SH2D4B: variants seen among roughly 807,000 people sequenced by gnomAD.
SH2D4B encodes SH2 domain-containing protein 4B.
In SH2D4B, 45 loss-of-function variants were observed where a neutral mutation model predicts 61.5. The observed-to-expected ratio is 0.73, with a 90% CI of 0.58 to 0.94. The LOEUF (loss-of-function observed/expected upper bound fraction) is 0.94, where lower values mean the gene tolerates loss of function less well. Ranked by LOEUF, SH2D4B falls within the 40% of genes least tolerant of loss-of-function variation. SH2D4B has a pLI of 0.00. For synonymous variants in SH2D4B, 224 were observed against 220.4 expected (o/e 1.02, Z -0.14); for missense variants, 572 against 574.2 (o/e 1.00, Z 0.04).
At chr10:80,571,815 C>G (rs1842050051) in intron 3 of SH2D4B, among the ~76,000 whole-genome samples, 1 of 150,160 alleles carries the variant, frequency 6.7e-6, no homozygotes, top group Non-Finnish European at 1.5e-5. Flanking sequence ...GCTCGTCGCC[C>G]AGGCTGGAGT....
Position 80,588,876 on chromosome 10 carries a change from C to T in SH2D4B, c.643+99C>T, listed in dbSNP as rs938965800. 5.6e-6 allele frequency: 8 copies of T among 1,433,276 alleles called. No homozygotes were observed. In the African/African-American group the frequency reaches 1.1e-4, roughly 20 times the overall value. 88.8% of individuals were successfully genotyped at this position (1,433,276 alleles called of 1,614,324 possible). Reference sequence around the variant, plus strand: ...CTCATTCGTCATTTCCATTCGCTCACTCACCCCATCAGCCTTTACTTGGAC... The same window carrying T: ...CTCATTCGTCATTTCCATTCGCTCATTCACCCCATCAGCCTTTACTTGGAC... On this transcript the variant is annotated intron_variant, in intron 4 of 7. Coordinates refer to ENST00000646907, the MANE Select transcript of SH2D4B (RefSeq NM_001388272.1).
chr10:80,580,767 G>A (rs1842177722), intron 3 of SH2D4B, among the ~76,000 whole-genome samples: 1 of 152,130 alleles, frequency 6.6e-6, no homozygotes, highest in South Asian at 2.1e-4. Flanking sequence ...GGCCTCTGTG[G>A]GTTCCTGTGG....
chr10:80,546,814 A>G (rs1280847440), intron 1 of SH2D4B, among the ~76,000 whole-genome samples: 1 of 152,234 alleles, frequency 6.6e-6, no homozygotes, highest in Non-Finnish European at 1.5e-5. Flanking sequence ...GGCGTGAGCC[A>G]CCGCGCCCAG....
intron 7 of SH2D4B, among the ~76,000 whole-genome samples, chr10:80,636,833 T>C (rs1256044219): frequency 2.0e-5 from 3 of 152,228 alleles, no homozygotes; most frequent in Non-Finnish European, 4.4e-5. Flanking sequence ...TTGCCATTGC[T>C]TTTGTTGTTT....
At chr10:80,582,967 G>A (rs142354393) in intron 3 of SH2D4B, among the ~76,000 whole-genome samples, 1 of 152,260 alleles carries the variant, frequency 6.6e-6, no homozygotes, top group East Asian at 1.9e-4. Context: ...TTCCTCCTAC[G>A]ATTGCCCTAG....
intron 1 of SH2D4B, among the ~76,000 whole-genome samples, chr10:80,558,138 GA>G (rs1379133972): frequency 6.6e-6 from 1 of 151,908 alleles, no homozygotes; most frequent in African/African-American, 2.4e-5. Flanking sequence ...ATATTTGAAA[GA>G]AATTTTTTCA....
chr10:80,628,245 TC>T (rs1051201037), intron 6 of SH2D4B, among the ~76,000 whole-genome samples: 1 of 151,962 alleles, frequency 6.6e-6, no homozygotes, highest in African/African-American at 2.4e-5. Context: ...TCCCACGTGT[TC>T]GGGAGGGACC....
At chr10:80,615,968 A>T (rs57732942) in intron 6 of SH2D4B, among the ~76,000 whole-genome samples, 4 of 152,236 alleles carry the variant, frequency 2.6e-5, no homozygotes, top group African/African-American at 9.6e-5. Context: ...ATAGACAAAC[A>T]TGGTGGCACA....
At chr10:80,583,684 C>T (rs559607984) in intron 3 of SH2D4B, among the ~76,000 whole-genome samples, 1 of 152,034 alleles carries the variant, frequency 6.6e-6, no homozygotes, top group Non-Finnish European at 1.5e-5. Flanking sequence ...ATAAAAAAGA[C>T]AGATGGAGAG....
intron 4 of SH2D4B, among the ~76,000 whole-genome samples, chr10:80,590,481 T>G (rs76793751): frequency 0.01 from 1,573 of 152,034 alleles, 32 homozygotes; most frequent in African/African-American, 0.033. Context: ...ATACAGAAAA[T>G]GAAAAGGCAT....
intron 6 of SH2D4B, among the ~76,000 whole-genome samples, chr10:80,633,093 G>C (rs1842850440): frequency 6.6e-6 from 1 of 151,904 alleles, no homozygotes; most frequent in African/African-American, 2.4e-5. Flanking sequence ...TGGGAGGCAG[G>C]AGAGTGATGG....
chr10:80,597,206 T>A (rs969414418), intron 4 of SH2D4B, among the ~76,000 whole-genome samples: 5 of 152,236 alleles, frequency 3.3e-5, no homozygotes, highest in Middle Eastern at 6.8e-3. Context: ...CTTGAACCAA[T>A]CCCCTGAGGA....
In SH2D4B at chr10:80,635,236, G is replaced by T. The variant is rs77868607; in HGVS notation, c.1209+731G>T. Among the ~76,000 whole-genome samples, 1,411 of 152,316 alleles carry T rather than the reference G, an allele frequency of 9.3e-3. 15 individuals are homozygous for T. The highest frequency in any genetic ancestry group is 0.017 in the Middle Eastern group (5 of 294). ...GAAAAGATGTTGTCTTCCAAGCAGT[G>T]TATGTAGTAAGAAGCAACGTTTATG... On this transcript the variant is annotated intron_variant, in intron 7 of 7. Coordinates refer to ENST00000646907, the MANE Select transcript of SH2D4B (RefSeq NM_001388272.1).
At chr10:80,559,120 A>G (rs991412079) in intron 1 of SH2D4B, among the ~76,000 whole-genome samples, 9 of 151,986 alleles carry the variant, frequency 5.9e-5, no homozygotes, top group African/African-American at 2.2e-4. Context: ...ACATTTTCCA[A>G]AAAACAAATG....
At chr10:80,607,143 A>G (rs899550304) in intron 5 of SH2D4B, among the ~76,000 whole-genome samples, 1 of 152,202 alleles carries the variant, frequency 6.6e-6, no homozygotes, top group Non-Finnish European at 1.5e-5. Context: ...CTGCTTAGAA[A>G]CGAATTCAAA....
intron 6 of SH2D4B, among the ~76,000 whole-genome samples, chr10:80,621,604 G>A (rs542409476): frequency 2.0e-5 from 3 of 152,250 alleles, no homozygotes; most frequent in South Asian, 2.1e-4. Flanking sequence ...ATTTGCCTTC[G>A]TCAAATGTCG....
Position 80,572,945 on chromosome 10 carries a change from AATATATATATATATATATATATATATAT to A in SH2D4B, c.495+1382_495+1409del, listed in dbSNP as rs869061750. ...TGTTGGCCTTTTCATGTATGTTGCA[AATATATATATATATATATATATATATAT>A]ATATATATATATATTTTTTTTTTTT... On this transcript the variant is annotated intron_variant, in intron 3 of 7. Coordinates refer to ENST00000646907, the MANE Select transcript of SH2D4B (RefSeq NM_001388272.1). Among the ~76,000 whole-genome samples the A allele has an allele frequency of 2.3e-3, 48 of 20,670 alleles. 1 individual carries two copies. The highest frequency in any genetic ancestry group is 6.6e-3 in the African/African-American group (42 of 6,342). The allele number at this position is 20,670 out of a possible 152,430, so 13.6% of individuals were successfully genotyped here. A position where few individuals can be genotyped will look rare whatever the true frequency, so the allele number is the denominator to read the frequency against.
intron 6 of SH2D4B, among the ~76,000 whole-genome samples, chr10:80,618,775 G>A (rs1266470718): frequency 2.0e-5 from 3 of 152,096 alleles, no homozygotes; most frequent in African/African-American, 4.8e-5. Flanking sequence ...GCCTGCCTGC[G>A]TTTCTTTCTT....
chr10:80,593,318 C>T (rs1303214236), intron 4 of SH2D4B, among the ~76,000 whole-genome samples: 1 of 152,190 alleles, frequency 6.6e-6, no homozygotes, highest in Non-Finnish European at 1.5e-5. Context: ...ATTTAGTCTT[C>T]CAATTCATGA....
Sources: gnomAD v4.1 joint callset for allele counts (sites outside exome capture counted in the v4.1 genomes callset) on GRCh38, gnomAD v4.1.1 for gene constraint, MANE v1.5 for transcripts, NCBI Gene and HGNC (gene_info 2026-07-23, HGNC 2026-07-21) for gene names.